The following RAD21L1 variants were observed in gnomAD, a reference collection of about 807,000 sequenced individuals.
RAD21L1 encodes the protein double-strand-break repair protein rad21-like protein 1.
In RAD21L1, 47 loss-of-function variants were observed where a neutral mutation model predicts 69.0. The observed-to-expected ratio is 0.68, with a 90% CI of 0.54 to 0.87. The LOEUF (loss-of-function observed/expected upper bound fraction) is 0.87, where lower values mean the gene tolerates loss of function less well. Among genes scored for constraint, RAD21L1 ranks in the 40% least tolerant of loss-of-function variants. RAD21L1 has a pLI of 0.00. For synonymous variants in RAD21L1, 177 were observed against 205.8 expected (o/e 0.86, Z 1.20); for missense variants, 583 against 647.6 (o/e 0.90, Z 1.08).
At chr20:1,232,470 A>G (rs761308173) in intron 4 of RAD21L1, among the ~76,000 whole-genome samples, 44 of 152,254 alleles carry the variant, frequency 2.9e-4, no homozygotes, top group Admixed American at 5.2e-4. Flanking sequence ...TGCAGTATCT[A>G]TGATCAGTTC....
At chr20:1,234,036 T>A in intron 4 of RAD21L1, 49 bp from the exon 5 acceptor site, 1 of 828,586 alleles carries the variant, frequency 1.2e-6, no homozygotes. Flanking sequence ...TTTTACAGTA[T>A]CATTGTTTTC....
At chr20:1,231,215 G>A (rs1247191953) in intron 3 of RAD21L1, among the ~76,000 whole-genome samples, 2 of 152,202 alleles carry the variant, frequency 1.3e-5, no homozygotes, top group African/African-American at 2.4e-5. Flanking sequence ...GGCTAGTATG[G>A]TCAGTATGGT....
rs560049022 is a variant in RAD21L1, at chr20:1,239,504, T to C, written c.742+97T>C. 16 of 658,500 alleles carry C rather than the reference T, an allele frequency of 2.4e-5. No homozygotes were observed. The South Asian group carries it at 2.8e-4, about 12-fold the overall frequency. 40.8% of individuals were successfully genotyped at this position (658,500 alleles called of 1,614,324 possible). A position where few individuals can be genotyped will look rare whatever the true frequency, so the allele number is the denominator to read the frequency against. On this transcript the variant is annotated intron_variant, in intron 7 of 13. Transcript: ENST00000683101. ...AGTAGCAATATAGTATAGTGAAAGA[T>C]AAAGAACAATGTCTTTCAGACTCTG...
chr20:1,226,738 C>T (rs1175340298), intron 1 of RAD21L1, among the ~76,000 whole-genome samples: 3 of 152,150 alleles, frequency 2.0e-5, no homozygotes, highest in Non-Finnish European at 2.9e-5. Flanking sequence ...GAAAAAGCCT[C>T]CGGGACGTGG....
intron 6 of RAD21L1, 111 bp from the exon 7 acceptor site, chr20:1,239,201 A>T: frequency 1.6e-6 from 1 of 614,730 alleles, no homozygotes; most frequent in Non-Finnish European, 2.8e-6. Context: ...TTCACATTAA[A>T]GATCTGGTTA....
intron 5 of RAD21L1, among the ~76,000 whole-genome samples, chr20:1,234,654 G>A (rs978675224): frequency 1.3e-5 from 2 of 152,194 alleles, no homozygotes; most frequent in African/African-American, 2.4e-5. Flanking sequence ...GTGAGGAAGA[G>A]GAAATGCTAC....
chr20:1,248,740 T>A (rs971787855), intron 13 of RAD21L1, 37 bp downstream of exon 13: 1 of 1,207,810 alleles, frequency 8.3e-7, no homozygotes, highest in Admixed American at 2.6e-5. Context: ...GTTTTTATTT[T>A]AAAAAATAAG....
At chr20:1,242,496 G>T in intron 8 of RAD21L1, 123 bp from the exon 9 acceptor site, 1 of 732,306 alleles carries the variant, frequency 1.4e-6, no homozygotes. Context: ...GCCTCTTGAA[G>T]TGCTAGGATT....
intron 2 of RAD21L1, among the ~76,000 whole-genome samples, chr20:1,229,106 T>G (rs548818547): frequency 6.6e-6 from 1 of 152,372 alleles, no homozygotes; most frequent in East Asian, 1.9e-4. Context: ...ATTGAAAGCC[T>G]ATGGTGTGTT....
intron 11 of RAD21L1, 141 bp downstream of exon 11, chr20:1,244,311 G>A (rs917545089): frequency 1.6e-6 from 1 of 619,398 alleles, no homozygotes; most frequent in Non-Finnish European, 2.6e-6. Flanking sequence ...TTAGTAAGTA[G>A]CAGGGTAAAA....
chr20:1,233,344 G>C (rs1457522676), intron 4 of RAD21L1, among the ~76,000 whole-genome samples: 1 of 152,114 alleles, frequency 6.6e-6, no homozygotes, highest in Non-Finnish European at 1.5e-5. Flanking sequence ...AGGGATCTGA[G>C]GACTTAGTAT....
intron 13 of RAD21L1, among the ~76,000 whole-genome samples, chr20:1,253,046 A>T (rs1033912920): frequency 6.6e-6 from 1 of 152,210 alleles, no homozygotes; most frequent in East Asian, 1.9e-4. Flanking sequence ...AGGGGGGAAA[A>T]GCCATCCAGT....
chr20:1,227,409 G>A (rs396826), intron 1 of RAD21L1, among the ~76,000 whole-genome samples: 1,831 of 152,290 alleles, frequency 0.012, 35 homozygotes, highest in African/African-American at 0.043. Context: ...CTTTAGTTGG[G>A]GCATAATGAT....
chr20:1,248,835 A>G (rs1600230608), intron 13 of RAD21L1, 132 bp downstream of exon 13: 6 of 516,750 alleles, frequency 1.2e-5, no homozygotes, highest in Admixed American at 1.1e-4. Flanking sequence ...ACTAGAGTGC[A>G]ATGATTTTCA....
intron 1 of RAD21L1, among the ~76,000 whole-genome samples, chr20:1,227,143 C>CA (rs2087281292): frequency 6.6e-6 from 1 of 152,168 alleles, no homozygotes; most frequent in Admixed American, 6.5e-5. Flanking sequence ...TTCCTGGCAT[C>CA]AAAGTGATCC....
intron 12 of RAD21L1, among the ~76,000 whole-genome samples, chr20:1,247,833 T>A (rs1289988825): frequency 6.6e-6 from 1 of 152,014 alleles, no homozygotes; most frequent in African/African-American, 2.4e-5. Context: ...GGCTGCATAG[T>A]CAGAATTAGC....
chr20:1,231,315 A>T (rs1256221716), intron 3 of RAD21L1, among the ~76,000 whole-genome samples: 2 of 152,152 alleles, frequency 1.3e-5, no homozygotes, highest in Non-Finnish European at 2.9e-5. Flanking sequence ...TGGAGAAGTC[A>T]CTAAATCATT....
At chr20:1,236,082 C>T (rs2087489260) in intron 5 of RAD21L1, among the ~76,000 whole-genome samples, 1 of 152,120 alleles carries the variant, frequency 6.6e-6, no homozygotes, top group South Asian at 2.1e-4. Flanking sequence ...TCACTTTTAA[C>T]TATACTTTCT....
chr20:1,243,071 A>G (rs555963660), intron 9 of RAD21L1, 26 bp from the exon 10 acceptor site: 6 of 1,445,312 alleles, frequency 4.2e-6, no homozygotes, highest in African/African-American at 1.4e-5. Context: ...CAAAAACAAA[A>G]AAAACAAAAA....
Sources: allele counts gnomAD v4.1 joint callset (sites outside exome capture counted in the v4.1 genomes callset), GRCh38; gene constraint gnomAD v4.1.1; transcripts MANE v1.5; gene names NCBI Gene and HGNC (gene_info 2026-07-23, HGNC 2026-07-21).